NLGN1: variants seen among roughly 807,000 people sequenced by gnomAD.
The protein encoded by NLGN1 is neuroligin 1.
A neutral mutation model predicts 65.5 loss-of-function variants in NLGN1; 12 were observed. The observed-to-expected ratio is 0.18, with a 90% CI of 0.12 to 0.30. NLGN1 has a LOEUF of 0.30. Among genes scored for constraint, NLGN1 ranks in the 10% least tolerant of loss-of-function variants. The probability of loss-of-function intolerance (pLI) is 1.00; values close to 1 mark genes in which losing one functional copy is unlikely to be tolerated. For synonymous variants in NLGN1, 350 were observed against 359.5 expected, an observed-to-expected ratio of 0.97 and a Z score of 0.30; for missense variants, 750 against 1,007.1, an observed-to-expected ratio of 0.74 and a Z score of 3.46.
chr3:173,671,108 G>A (rs990903244), intron 3 of NLGN1, among the ~76,000 whole-genome samples: 2 of 152,066 alleles, frequency 1.3e-5, no homozygotes, highest in Non-Finnish European at 2.9e-5. Context: ...TACTTATGTG[G>A]CCAATCATAT....
intron 4 of NLGN1, among the ~76,000 whole-genome samples, chr3:174,232,231 A>C (rs1278122620): frequency 6.6e-6 from 1 of 152,168 alleles, no homozygotes; most frequent in Non-Finnish European, 1.5e-5. Flanking sequence ...AGTGGGGTTC[A>C]CAAGGTGCTC....
At chr3:174,066,005 T>C (rs558692887) in intron 4 of NLGN1, among the ~76,000 whole-genome samples, 2 of 152,286 alleles carry the variant, frequency 1.3e-5, no homozygotes, top group South Asian at 4.1e-4. Flanking sequence ...GTAATAAATA[T>C]AATTGAAGTT....
chr3:174,111,157 A>C (rs1715138906), intron 4 of NLGN1, among the ~76,000 whole-genome samples: 1 of 151,974 alleles, frequency 6.6e-6, no homozygotes, highest in Non-Finnish European at 1.5e-5. Flanking sequence ...ACATTTTGCT[A>C]ACTACTAATC....
chr3:174,246,987 C>T (rs2152837695), intron 4 of NLGN1, among the ~76,000 whole-genome samples: 1 of 152,278 alleles, frequency 6.6e-6, no homozygotes. Context: ...TCCATGTAGA[C>T]ATACAGAGCA....
At chr3:174,131,739 A>G (rs946089930) in intron 4 of NLGN1, among the ~76,000 whole-genome samples, 1 of 152,224 alleles carries the variant, frequency 6.6e-6, no homozygotes, top group Non-Finnish European at 1.5e-5. Context: ...AAATACTATT[A>G]GTGAAATTAC....
At chr3:173,546,522 T>A (rs532586424) in intron 2 of NLGN1, among the ~76,000 whole-genome samples, 1 of 152,258 alleles carries the variant, frequency 6.6e-6, no homozygotes, top group Non-Finnish European at 1.5e-5. Context: ...ATTGGTTAAA[T>A]GAAGAAAATC....
At chr3:174,155,317 C>T (rs1304861827) in intron 4 of NLGN1, among the ~76,000 whole-genome samples, 1 of 151,312 alleles carries the variant, frequency 6.6e-6, no homozygotes, top group Non-Finnish European at 1.5e-5. Flanking sequence ...ACTCAGACTC[C>T]TTAAATTTTT....
At chr3:173,443,856 T>C (rs1051875852) in intron 2 of NLGN1, among the ~76,000 whole-genome samples, 3 of 152,232 alleles carry the variant, frequency 2.0e-5, no homozygotes, top group East Asian at 1.9e-4. Context: ...TTGAAATAGA[T>C]AATTTACACC....
At chr3:173,578,218 A>G (rs1432872578) in intron 2 of NLGN1, among the ~76,000 whole-genome samples, 1 of 144,234 alleles carries the variant, frequency 6.9e-6, no homozygotes, top group Non-Finnish European at 1.5e-5. Flanking sequence ...CCTGGGCGAC[A>G]GGGCCAGACT....
chr3:173,520,843 A>G (rs908177900), intron 2 of NLGN1, among the ~76,000 whole-genome samples: 3 of 152,236 alleles, frequency 2.0e-5, no homozygotes, highest in Non-Finnish European at 4.4e-5. Flanking sequence ...TTTTATAACT[A>G]GAATTATTGA....
chr3:174,143,971 G>T (rs1722745833), intron 4 of NLGN1, among the ~76,000 whole-genome samples: 1 of 151,950 alleles, frequency 6.6e-6, no homozygotes, highest in Non-Finnish European at 1.5e-5. Flanking sequence ...GAGCATGCAG[G>T]TTTGTTACAT....
intron 3 of NLGN1, among the ~76,000 whole-genome samples, chr3:173,615,450 T>C (rs755594054): frequency 1.2e-4 from 18 of 152,144 alleles, no homozygotes; most frequent in Non-Finnish European, 2.4e-4. Context: ...GATGTCCGTG[T>C]CAATATTACT....
intron 4 of NLGN1, among the ~76,000 whole-genome samples, chr3:174,233,300 C>T (rs552704513): frequency 6.6e-6 from 1 of 151,974 alleles, no homozygotes; most frequent in Admixed American, 6.6e-5. Context: ...GCCTGACCAA[C>T]ATGGAGAACC....
chr3:173,562,440 A>G (rs1742896375), intron 2 of NLGN1, among the ~76,000 whole-genome samples: 1 of 151,936 alleles, frequency 6.6e-6, no homozygotes, highest in Admixed American at 6.6e-5. Flanking sequence ...GGTGGTGCGC[A>G]CCTGTAGTCC....
At chr3:174,226,537 G>A (rs2152811702) in intron 4 of NLGN1, among the ~76,000 whole-genome samples, 1 of 152,194 alleles carries the variant, frequency 6.6e-6, no homozygotes, top group East Asian at 1.9e-4. Flanking sequence ...CCATATTGCT[G>A]CAACGTTGGG....
intron 4 of NLGN1, among the ~76,000 whole-genome samples, chr3:174,060,383 T>A (rs1737128759): frequency 6.6e-6 from 1 of 151,904 alleles, no homozygotes; most frequent in South Asian, 2.1e-4. Flanking sequence ...AAAGAGAAAA[T>A]GGGAAGCAAC....
chr3:174,283,348 A>C (rs1751761409), exon 7 of NLGN1: 1 of 151,462 alleles, frequency 6.6e-6, no homozygotes, highest in Admixed American at 6.6e-5. Flanking sequence ...CATGAAAAAA[A>C]GAAAGATTAG....
intron 4 of NLGN1, among the ~76,000 whole-genome samples, chr3:173,839,469 C>A (rs1281359429): frequency 6.6e-6 from 1 of 151,318 alleles, no homozygotes; most frequent in Non-Finnish European, 1.5e-5. Context: ...TGTCACCAGG[C>A]TGGAGTGCAG....
At chr3:173,925,809 G>T (rs543210041) in intron 4 of NLGN1, among the ~76,000 whole-genome samples, 34 of 152,032 alleles carry the variant, frequency 2.2e-4, no homozygotes, top group Non-Finnish European at 4.6e-4. Flanking sequence ...ATAGCTTAAA[G>T]AATAATAATG....
Sources: allele counts gnomAD v4.1 joint callset (sites outside exome capture counted in the v4.1 genomes callset), GRCh38; gene constraint gnomAD v4.1.1; transcripts MANE v1.5; gene names NCBI Gene and HGNC (gene_info 2026-07-23, HGNC 2026-07-21).